The following NBAS variants were observed in gnomAD, a reference collection of about 807,000 sequenced individuals.
NBAS encodes NBAS subunit of NRZ tethering complex.
In NBAS, 219 loss-of-function variants were observed where a neutral mutation model predicts 302.5. The ratio of observed to expected loss-of-function variants is 0.72; its 90% CI spans 0.65 to 0.81. NBAS has a LOEUF of 0.81. NBAS is among the 30% of genes least tolerant of loss of function. NBAS has a pLI of 0.00. For synonymous variants in NBAS, 1,118 were observed against 1,021.6 expected (o/e 1.09, Z -1.80); for missense variants, 2,932 against 2,841.6 (o/e 1.03, Z -0.72).
chr2:14,801,988 T>C, the NBAS span, among the ~76,000 whole-genome samples: 32 of 147,314 alleles, frequency 2.2e-4, 1 homozygote, highest in South Asian at 1.3e-3. Context: ...TTCACTCTGA[T>C]GGTAGTTTCT....
At chr2:14,992,773 G>A in the NBAS span, among the ~76,000 whole-genome samples, 4 of 152,116 alleles carry the variant, frequency 2.6e-5, no homozygotes, top group African/African-American at 9.7e-5. Flanking sequence ...CAATTTGCAG[G>A]TAACAACAAA....
At chr2:15,338,674 T>TACACAC (rs70961409) in intron 35 of NBAS, among the ~76,000 whole-genome samples, 10,629 of 134,684 alleles carry the variant, frequency 0.079, 497 homozygotes, top group Middle Eastern at 0.11. Context: ...AACACACACA[T>TACACAC]ACACACACAC....
At chr2:15,263,239 CAA>C (rs1427954380) in intron 44 of NBAS, among the ~76,000 whole-genome samples, 1 of 152,164 alleles carries the variant, frequency 6.6e-6, no homozygotes, top group Non-Finnish European at 1.5e-5. Flanking sequence ...CTCCTGGGCT[CAA>C]GAGATCCTCC....
the NBAS span, among the ~76,000 whole-genome samples, chr2:14,866,783 A>C: frequency 1.3e-5 from 2 of 152,248 alleles, no homozygotes; most frequent in African/African-American, 4.8e-5. Flanking sequence ...GCTGCTAAGC[A>C]GATTTAATGT....
At chr2:15,178,203 CAT>C in intron 51 of NBAS, 1 of 467,748 alleles carries the variant, frequency 2.1e-6, no homozygotes. Context: ...TGTATATATA[CAT>C]ATATATGTAT....
chr2:15,050,711 T>G, the NBAS span, among the ~76,000 whole-genome samples: 1 of 152,070 alleles, frequency 6.6e-6, no homozygotes, highest in Non-Finnish European at 1.5e-5. Flanking sequence ...GATGGCAGAG[T>G]GACAGCCTGA....
chr2:15,413,744 G>A lies in NBAS; in HGVS notation c.2937+1802C>T, dbSNP rs187892542. 3.7e-3 allele frequency among the ~76,000 whole-genome samples: 557 copies of A among 152,268 alleles called. 2 individuals are homozygous for A. The highest frequency in any genetic ancestry group is 0.013 in the African/African-American group (521 of 41,560). On this transcript the variant is annotated intron_variant, in intron 25 of 51. Transcript: ENST00000281513. Reference sequence around the variant, plus strand: ...TACCTGTCAGCAACGGTCAGTCACTGAAAACTTTCCGCAGATCATGACATG... The same window carrying A: ...TACCTGTCAGCAACGGTCAGTCACTAAAAACTTTCCGCAGATCATGACATG...
At chr2:15,128,571 C>G in the NBAS span, among the ~76,000 whole-genome samples, 1 of 152,140 alleles carries the variant, frequency 6.6e-6, no homozygotes, top group African/African-American at 2.4e-5. Context: ...ACGATCATGT[C>G]TAGTTAGGGG....
At chr2:15,160,583 G>T in the NBAS span, among the ~76,000 whole-genome samples, 1 of 129,522 alleles carries the variant, frequency 7.7e-6, no homozygotes, top group East Asian at 2.8e-4. Context: ...TCCCAGTGTG[G>T]GCGGGGGGAG....
the NBAS span, among the ~76,000 whole-genome samples, chr2:14,879,931 T>G: frequency 6.6e-6 from 1 of 152,068 alleles, no homozygotes. Context: ...TAAGACAGGG[T>G]AGACTAGCAA....
chr2:15,480,791 G>C (rs1680398042), intron 12 of NBAS, among the ~76,000 whole-genome samples: 1 of 152,172 alleles, frequency 6.6e-6, no homozygotes, highest in South Asian at 2.1e-4. Flanking sequence ...GGGGTTTTTA[G>C]GGGGGATGTT....
the NBAS span, among the ~76,000 whole-genome samples, chr2:15,029,116 T>C: frequency 6.6e-6 from 1 of 152,304 alleles, no homozygotes; most frequent in African/African-American, 2.4e-5. Context: ...GCACATTTGC[T>C]GAATGAAGAA....
rs572065286 is a variant in NBAS at position 15,488,653 on chromosome 2, A to G, written c.1083+241T>C. ...AGGGAAAAAATGAAGAGTTTAACAA[A>G]CTCTTTTACAGATTACACTCTGTAT... On this transcript the variant is annotated intron_variant, in intron 12 of 51. Transcript: ENST00000281513. 5.3e-5 allele frequency among the ~76,000 whole-genome samples: 8 copies of G among 152,170 alleles called. No homozygotes were observed. In the East Asian group the frequency reaches 1.5e-3, roughly 29 times the overall value.
chr2:15,267,398 A>G (rs1483399897), intron 44 of NBAS, among the ~76,000 whole-genome samples: 1 of 152,228 alleles, frequency 6.6e-6, no homozygotes, highest in Non-Finnish European at 1.5e-5. Context: ...TTTGATCAAA[A>G]AAAAAGTTTG....
chr2:15,502,569 T>C (rs1400592320), intron 11 of NBAS, among the ~76,000 whole-genome samples: 3 of 152,192 alleles, frequency 2.0e-5, no homozygotes, highest in South Asian at 4.1e-4. Flanking sequence ...TGGAGCACAA[T>C]GGTAAATATT....
Position 15,556,827 on chromosome 2 carries a change from CAAAA to C in NBAS, c.173-12_173-9del. On this transcript the variant is annotated splice_polypyrimidine_tract_variant and intron_variant, in intron 2 of 51. Transcript: ENST00000281513. The stretch of plus-strand genomic sequence containing the variant: ...GTAAAAATAATAAACGATCTGTAAT[CAAAA>C]GAAATGGCAAAGCCAAATATAAATC... 6.2e-7 allele frequency: 1 copy of C among 1,608,882 alleles called. No individual in the cohort carries two copies. Among genetic ancestry groups the C allele is most frequent in the South Asian group, 1.1e-5 (1 of 90,848 alleles).
chr2:15,069,717 C>T, the NBAS span, among the ~76,000 whole-genome samples: 15 of 152,140 alleles, frequency 9.9e-5, no homozygotes, highest in African/African-American at 3.4e-4. Context: ...AAAGTAATAA[C>T]TTTTTAAGGA....
At chr2:14,808,244 G>C in the NBAS span, among the ~76,000 whole-genome samples, 7 of 152,214 alleles carry the variant, frequency 4.6e-5, no homozygotes, top group South Asian at 1.5e-3. Context: ...CAGAGAGCTA[G>C]TAAGGTGGGG....
At chr2:15,210,390 T>G (rs1666352266) in intron 48 of NBAS, among the ~76,000 whole-genome samples, 1 of 152,150 alleles carries the variant, frequency 6.6e-6, no homozygotes, top group Non-Finnish European at 1.5e-5. Context: ...TCACTGATTA[T>G]CAGAGAAATG....
Sources: allele counts gnomAD v4.1 joint callset (sites outside exome capture counted in the v4.1 genomes callset), GRCh38; gene constraint gnomAD v4.1.1; transcripts MANE v1.5; gene names NCBI Gene and HGNC (gene_info 2026-07-23, HGNC 2026-07-21).